The following SEMA3C variants were observed in gnomAD, a reference collection of about 807,000 sequenced individuals.
SEMA3C encodes the protein semaphorin-3C.
SEMA3C carries 47 observed loss-of-function variants against 89.4 expected under a neutral mutation model. The ratio of observed to expected loss-of-function variants is 0.53; its 90% CI spans 0.42 to 0.67. SEMA3C has a LOEUF of 0.67. SEMA3C is among the 30% of genes least tolerant of loss of function. The probability of loss-of-function intolerance (pLI) is 0.00; values close to 1 mark genes in which losing one functional copy is unlikely to be tolerated. For missense variants in SEMA3C, 839 were observed against 929.1 expected, an observed-to-expected ratio of 0.90 and a Z score of 1.26; for synonymous variants, 310 against 320.2, an observed-to-expected ratio of 0.97 and a Z score of 0.34.
At chr7:80,804,551 T>A (rs1217165400) in intron 7 of SEMA3C, among the ~76,000 whole-genome samples, 2 of 152,122 alleles carry the variant, frequency 1.3e-5, no homozygotes, top group East Asian at 1.9e-4. Flanking sequence ...TGAAAAAAAA[T>A]ATTTATTTTT....
chr7:80,829,309 T>G (rs566290769), intron 2 of SEMA3C, among the ~76,000 whole-genome samples: 32 of 152,182 alleles, frequency 2.1e-4, no homozygotes, highest in Admixed American at 4.6e-4. Context: ...CAACTCTGTT[T>G]TATTACTGGA....
At position 80,758,575 on chromosome 7, in the gene SEMA3C, A is replaced by G. The variant is rs562413487; in HGVS notation, c.1486-87T>C. ...GAACACATTATAATATATGCCCACA[A>G]ACCCTTGGATTCATTTTGGAACCGA... On this transcript the variant is annotated intron_variant, in intron 14 of 17. Transcript: ENST00000265361. The G allele has an allele frequency of 3.9e-6, 5 of 1,291,104 alleles. No individual in the cohort carries two copies. The African/African-American group carries it at 7.4e-5, about 19-fold the overall frequency. The allele number at this position is 1,291,104 out of a possible 1,614,324, so 80.0% of individuals were successfully genotyped here.
rs780681400 is a variant in SEMA3C at position 80,828,640 on chromosome 7, C to T, written c.209G>A (p.Ser70Asn). Reference protein sequence around the residue: ...DEDQDRIYVGSKDHILSLNIN... With the variant: ...DEDQDRIYVGNKDHILSLNIN... ...ATTCAGGGAAAGAATGTGATCTTTG[C>T]TTCCCACATATATCCGGTCCTGATC... Residue 70 changes from serine to asparagine, a missense_variant, in exon 3 of 18, where the codon AGC (serine) becomes AAC (asparagine). Ser to Asn is a conservative substitution (Grantham distance 46). Transcript: ENST00000265361. 6.2e-7 allele frequency: 1 copy of T among 1,611,916 alleles called. No homozygotes were observed. Among genetic ancestry groups the T allele is most frequent in the South Asian group, 1.1e-5 (1 of 90,882 alleles).
chr7:80,894,831 T>A (rs1272815349), intron 2 of SEMA3C, among the ~76,000 whole-genome samples: 1 of 152,086 alleles, frequency 6.6e-6, no homozygotes, highest in African/African-American at 2.4e-5. Context: ...AGTGGTTAGG[T>A]AGAGAAGAGA....
At chr7:80,793,239 C>A in intron 11 of SEMA3C, 1 of 185,814 alleles carries the variant, frequency 5.4e-6, no homozygotes, top group Non-Finnish European at 1.1e-5. Context: ...AATAAGAATG[C>A]CATGTTAGGA....
intron 4 of SEMA3C, among the ~76,000 whole-genome samples, chr7:80,821,826 T>C (rs1235122929): frequency 6.6e-6 from 1 of 152,126 alleles, no homozygotes; most frequent in African/African-American, 2.4e-5. Context: ...GTTCTAGTTT[T>C]AATAAGTAAC....
At chr7:80,808,398 C>T (rs3807113) in intron 6 of SEMA3C, among the ~76,000 whole-genome samples, 2,121 of 152,252 alleles carry the variant, frequency 0.014, 63 homozygotes, top group Admixed American at 0.068. Flanking sequence ...TTCCAAAACA[C>T]TGCTTCTATT....
intron 12 of SEMA3C, among the ~76,000 whole-genome samples, chr7:80,788,581 C>T (rs532424358): frequency 5.4e-4 from 82 of 152,298 alleles, no homozygotes; most frequent in Non-Finnish European, 9.3e-4. Context: ...TGCTCTATAA[C>T]ATACAATGCT....
intron 2 of SEMA3C, among the ~76,000 whole-genome samples, chr7:80,888,711 A>G (rs1307067078): frequency 6.6e-6 from 1 of 152,144 alleles, no homozygotes. Context: ...CCAAGATTTT[A>G]TATACAGTTT....
At chr7:80,894,275 G>A (rs952890115) in intron 2 of SEMA3C, among the ~76,000 whole-genome samples, 2 of 152,006 alleles carry the variant, frequency 1.3e-5, no homozygotes, top group East Asian at 3.9e-4. Flanking sequence ...AGAAAACACA[G>A]TAAGTTAGAT....
intron 12 of SEMA3C, among the ~76,000 whole-genome samples, chr7:80,777,964 G>A (rs751100519): frequency 6.6e-6 from 1 of 151,956 alleles, no homozygotes; most frequent in African/African-American, 2.4e-5. Context: ...ATTCAACTAA[G>A]GTGTCTGTCC....
intron 15 of SEMA3C, among the ~76,000 whole-genome samples, chr7:80,753,132 T>C (rs2117036815): frequency 6.6e-6 from 1 of 152,238 alleles, no homozygotes; most frequent in South Asian, 2.1e-4. Context: ...ACCACCTAAG[T>C]ATTCCTTTTC....
intron 13 of SEMA3C, 86 bp from the exon 14 acceptor site, chr7:80,761,743 A>G: frequency 1.4e-6 from 1 of 731,882 alleles, no homozygotes; most frequent in Non-Finnish European, 2.2e-6. Flanking sequence ...TTAAATCTCA[A>G]GAAGAAATCA....
chr7:80,839,535 T>C (rs1018975359), intron 2 of SEMA3C, among the ~76,000 whole-genome samples: 26 of 152,130 alleles, frequency 1.7e-4, no homozygotes, highest in African/African-American at 6.3e-4. Flanking sequence ...AAAAATTTTT[T>C]TTGTGTAAAA....
chr7:80,753,339 A>G (rs1249591097), intron 15 of SEMA3C, among the ~76,000 whole-genome samples: 1 of 152,202 alleles, frequency 6.6e-6, no homozygotes, highest in Non-Finnish European at 1.5e-5. Context: ...TTCTGAGTAT[A>G]TATTATATGA....
chr7:80,906,440 T>G (rs927403132), intron 2 of SEMA3C, among the ~76,000 whole-genome samples: 3 of 152,176 alleles, frequency 2.0e-5, no homozygotes, highest in African/African-American at 7.2e-5. Flanking sequence ...ACTACATTCC[T>G]GCTACACATT....
Position 80,916,698 on chromosome 7 carries a change from T to C in SEMA3C, c.84A>G (p.Arg28=). ...CVKGSSQPQA[R]VYLTFDELRE... The stretch of plus-strand genomic sequence containing the variant: ...TCTTACCATCAAATGTTAAATAAAC[T>C]CTTGCTTGGGGCTGGGAAGATCCTT... The change falls in exon 2 of 18, where the codon AGA becomes AGG. Residue 28 remains arginine, a synonymous_variant. Transcript: ENST00000265361. 1 of 1,611,448 alleles carries C rather than the reference T, an allele frequency of 6.2e-7. No individual in the cohort carries two copies. Among genetic ancestry groups the C allele is most frequent in the African/African-American group, 1.3e-5 (1 of 74,930 alleles).
intron 2 of SEMA3C, among the ~76,000 whole-genome samples, chr7:80,872,337 G>A (rs1382473373): frequency 2.6e-5 from 4 of 151,902 alleles, no homozygotes; most frequent in Non-Finnish European, 5.9e-5. Flanking sequence ...ATTTTTAGTA[G>A]AGACAAGTTT....
chr7:80,817,913 C>A (rs1011223728), intron 5 of SEMA3C, among the ~76,000 whole-genome samples: 3 of 151,958 alleles, frequency 2.0e-5, no homozygotes, highest in African/African-American at 4.8e-5. Flanking sequence ...TAATTTGGAG[C>A]AAATATTATT....
Sources: allele counts gnomAD v4.1 joint callset (sites outside exome capture counted in the v4.1 genomes callset), GRCh38; gene constraint gnomAD v4.1.1; transcripts MANE v1.5; gene names NCBI Gene and HGNC (gene_info 2026-07-23, HGNC 2026-07-21).